Variants in ARHGAP35 observed in about 807,000 individuals in gnomAD.
ARHGAP35 encodes the protein Rho GTPase activating protein 35.
A neutral mutation model predicts 111.1 loss-of-function variants in ARHGAP35; 15 were observed. That is an observed-to-expected ratio of 0.13 (90% confidence interval 0.09 to 0.21). The LOEUF is 0.21. ARHGAP35 is among the 10% of genes least tolerant of loss of function. The pLI is 1.00. For synonymous variants in ARHGAP35, 643 were observed against 710.3 expected (o/e 0.91, Z 1.51); for missense variants, 1,262 against 1,873.0 (o/e 0.67, Z 6.02).
chr19:46,973,790 A>G (rs1220167443), intron 3 of ARHGAP35, among the ~76,000 whole-genome samples: 1 of 152,140 alleles, frequency 6.6e-6, no homozygotes, highest in Admixed American at 6.5e-5. Flanking sequence ...GTTCGAGACC[A>G]GCCTGGCCAA....
chr19:46,899,736 AAG>A (rs1491162173), intron 1 of ARHGAP35, among the ~76,000 whole-genome samples: 1 of 151,994 alleles, frequency 6.6e-6, no homozygotes, highest in African/African-American at 2.4e-5. Flanking sequence ...CAAAAAAAAA[AAG>A]AAGAAGATTA....
intron 1 of ARHGAP35, among the ~76,000 whole-genome samples, chr19:46,907,210 G>A (rs1203266443): frequency 6.6e-6 from 1 of 152,170 alleles, no homozygotes; most frequent in Non-Finnish European, 1.5e-5. Context: ...GCAGTGGCAC[G>A]ATCTCGGCTC....
chr19:46,866,287 C>T (rs2055856421), intron 1 of ARHGAP35, among the ~76,000 whole-genome samples: 1 of 152,182 alleles, frequency 6.6e-6, no homozygotes, highest in African/African-American at 2.4e-5. Flanking sequence ...GCACAAATAC[C>T]TCCTTTGACG....
At chr19:46,909,195 C>G (rs1268018279) in intron 1 of ARHGAP35, among the ~76,000 whole-genome samples, 1 of 152,068 alleles carries the variant, frequency 6.6e-6, no homozygotes, top group African/African-American at 2.4e-5. Flanking sequence ...CCCAGCTACT[C>G]AGGAGGTTGA....
chr19:46,922,301 C>A lies in ARHGAP35; in HGVS notation c.3626C>A (p.Thr1209Lys). ...GACAATGCTGTCATTCCATACGAAA[C>A]AGACGAAGACCCGCGGAGGAGGAAT... The part of the protein sequence containing the change: ...KGDNAVIPYE[T>K]DEDPRRRNIL... The change falls in exon 2 of 7, where the codon ACA becomes AAA. Residue 1209 changes from threonine to lysine, a missense_variant. Physicochemically the swap from Thr to Lys is moderately conservative, Grantham distance 78 (BLOSUM62 -1). Around this residue, in one of 8 missense-constraint regions of ARHGAP35, gnomAD observed 579 missense variants for 716.9 expected, o/e 0.81. Transcript: ENST00000672722. The surrounding 1 kb of genome is among the most constrained non-coding windows in gnomAD (Gnocchi z 4.0). The A allele has an allele frequency of 6.2e-7, 1 of 1,613,502 alleles. No homozygotes were observed.
At chr19:46,998,850 G>A (rs895577033) in intron 5 of ARHGAP35, among the ~76,000 whole-genome samples, 1 of 152,262 alleles carries the variant, frequency 6.6e-6, no homozygotes. Context: ...GAAAAGGACA[G>A]AGCCTTGGTC....
Position 46,922,305 on chromosome 19 carries a change from C to T in ARHGAP35, c.3630C>T (p.Asp1210=), listed in dbSNP as rs777224632. 3.0e-5 allele frequency: 48 copies of T among 1,612,726 alleles called. No homozygotes were observed. Among genetic ancestry groups the T allele is most frequent in the African/African-American group, 5.3e-5 (4 of 74,826 alleles). The stretch of plus-strand genomic sequence containing the variant: ...ATGCTGTCATTCCATACGAAACAGA[C>T]GAAGACCCGCGGAGGAGGAATATTC... ...GDNAVIPYET[D]EDPRRRNILR... The change falls in exon 2 of 7, where the codon GAC becomes GAT. Residue 1210 remains aspartate, a synonymous_variant. Coordinates refer to ENST00000672722, the MANE Select transcript of ARHGAP35 (RefSeq NM_004491.5). The surrounding 1 kb of genome is among the most constrained non-coding windows in gnomAD (Gnocchi z 4.0).
chr19:46,983,525 C>A (rs1435690333), intron 3 of ARHGAP35, among the ~76,000 whole-genome samples: 1 of 148,770 alleles, frequency 6.7e-6, no homozygotes, highest in African/African-American at 2.5e-5. Context: ...TTCAAAAATT[C>A]TGGTCTATTT....
intron 5 of ARHGAP35, among the ~76,000 whole-genome samples, chr19:46,990,033 A>G (rs776575948): frequency 2.0e-5 from 3 of 152,168 alleles, no homozygotes; most frequent in Non-Finnish European, 2.9e-5. Context: ...ATGAAATTCT[A>G]TTCGGAAAGG....
Position 46,926,393 on chromosome 19 carries a change from A to T in ARHGAP35, c.3681+4037A>T, listed in dbSNP as rs2056238095. ...GTCCATGAATAGTGGCTTTGTCTGT[A>T]AAGAGTTGTTGTTGCACATGGTCTC... is the stretch of plus-strand genomic sequence containing the variant. On this transcript the variant is annotated intron_variant, in intron 2 of 6. Transcript: ENST00000672722. This position sits in a 1 kb window ranked among gnomAD's most constrained non-coding sequence, Gnocchi z 4.1. Among the ~76,000 whole-genome samples the T allele has an allele frequency of 6.6e-6, 1 of 152,196 alleles. No individual in the cohort carries two copies. Among genetic ancestry groups the T allele is most frequent in the Non-Finnish European group, 1.5e-5 (1 of 68,028 alleles).
At chr19:46,967,165 G>A (rs913783251) in intron 3 of ARHGAP35, among the ~76,000 whole-genome samples, 3 of 151,966 alleles carry the variant, frequency 2.0e-5, no homozygotes, top group African/African-American at 7.3e-5. Flanking sequence ...TTCTGCATGG[G>A]GACGGGAAAG....
chr19:46,918,798 C>T lies in ARHGAP35; in HGVS notation c.123C>T (p.Arg41=), dbSNP rs1292273585. ...TTGGAAAGTCTTGTTTGTGCAACCG[C>T]TTCGTGCGCCCGAGTGCTGACGAGT... ...CGIGKSCLCN[R]FVRPSADEFH... Residue 41 remains arginine, a synonymous_variant, in exon 2 of 7, where the codon CGC becomes CGT. Transcript: ENST00000672722. The surrounding 1 kb of genome is among the most constrained non-coding windows in gnomAD (Gnocchi z 5.4). 1 of 1,613,986 alleles carries T rather than the reference C, an allele frequency of 6.2e-7. No homozygotes were observed. The highest frequency in any genetic ancestry group is 1.3e-5 in the African/African-American group (1 of 75,058).
chr19:46,991,556 G>T (rs2056679341), intron 5 of ARHGAP35, among the ~76,000 whole-genome samples: 1 of 152,214 alleles, frequency 6.6e-6, no homozygotes, highest in South Asian at 2.1e-4. Context: ...AAGGGTGGAG[G>T]TTTCCCACTT....
chr19:46,913,322 T>C (rs2056147795), intron 1 of ARHGAP35, among the ~76,000 whole-genome samples: 1 of 151,648 alleles, frequency 6.6e-6, no homozygotes, highest in Admixed American at 6.6e-5. Flanking sequence ...CGTATGCTGA[T>C]AGAGCTGTTG....
At chr19:46,934,172 G>A (rs972133673) in intron 2 of ARHGAP35, among the ~76,000 whole-genome samples, 2 of 152,188 alleles carry the variant, frequency 1.3e-5, no homozygotes, top group African/African-American at 4.8e-5. Context: ...TGTGATTTAA[G>A]TACAGATGCT....
intron 2 of ARHGAP35, among the ~76,000 whole-genome samples, chr19:46,932,569 G>C (rs1433609054): frequency 6.6e-6 from 1 of 152,180 alleles, no homozygotes; most frequent in Non-Finnish European, 1.5e-5. Context: ...TAACCCTTCA[G>C]ATGCCTGAAG....
At chr19:46,995,070 G>T (rs1380101742) in intron 5 of ARHGAP35, among the ~76,000 whole-genome samples, 1 of 152,194 alleles carries the variant, frequency 6.6e-6, no homozygotes, top group African/African-American at 2.4e-5. Flanking sequence ...CACAGACACT[G>T]CTGGTGCCTC....
In ARHGAP35 at chr19:46,892,162, G is replaced by GCCT. The variant is rs555930353; in HGVS notation, c.-188-26325_-188-26323dup. 2.2e-3 allele frequency among the ~76,000 whole-genome samples: 325 copies of GCCT among 149,152 alleles called. 8 individuals are homozygous for GCCT. Among genetic ancestry groups the GCCT allele is most frequent in the Admixed American group, 0.019 (290 of 14,956 alleles). On this transcript the variant is annotated intron_variant, in intron 1 of 6. Coordinates refer to ENST00000672722, the MANE Select transcript of ARHGAP35 (RefSeq NM_004491.5). ...AAAAAAAAAAAGAAAAATTAGCCAG[G>GCCT]CCTGGTGGCATGCCTGTTGTAATCC...
chr19:46,977,417 A>G (rs10414860), intron 3 of ARHGAP35, among the ~76,000 whole-genome samples: 37,010 of 152,182 alleles, frequency 0.24, 4,737 homozygotes, highest in Middle Eastern at 0.29. Flanking sequence ...TGCTGGCCCC[A>G]GTAAGGCACA....
Sources: allele counts gnomAD v4.1 joint callset (sites outside exome capture counted in the v4.1 genomes callset), GRCh38; gene constraint gnomAD v4.1.1; regional missense constraint gnomAD v4.1.1; non-coding constraint Gnocchi (gnomAD v3.1); transcripts MANE v1.5; gene names NCBI Gene and HGNC (gene_info 2026-07-23, HGNC 2026-07-21).